MDN1: variants seen among roughly 807,000 people sequenced by gnomAD.
MDN1 encodes the protein midasin.
A neutral mutation model predicts 669.2 loss-of-function variants in MDN1; 266 were observed. The ratio of observed to expected loss-of-function variants is 0.40; its 90% CI spans 0.36 to 0.44. The LOEUF is 0.44. MDN1 is among the 20% of genes least tolerant of loss of function. MDN1 has a pLI of 1.00. For synonymous variants in MDN1, 2,385 were observed against 2,457.1 expected (o/e 0.97, Z 0.87); for missense variants, 5,940 against 6,754.0 (o/e 0.88, Z 4.22).
chr6:89,684,179 C>A (rs980387055), intron 71 of MDN1, among the ~76,000 whole-genome samples: 1 of 152,052 alleles, frequency 6.6e-6, no homozygotes, highest in African/African-American at 2.4e-5. Flanking sequence ...CCCGTCTCTA[C>A]TAAAAATAGA....
intron 35 of MDN1, among the ~76,000 whole-genome samples, chr6:89,729,908 G>A (rs1815486271): frequency 6.6e-6 from 1 of 151,990 alleles, no homozygotes; most frequent in African/African-American, 2.4e-5. Context: ...AGGAGAGATG[G>A]AGCTCTGAGG....
intron 64 of MDN1, 106 bp downstream of exon 64, chr6:89,690,567 T>A: frequency 7.3e-7 from 1 of 1,368,856 alleles, no homozygotes; most frequent in South Asian, 1.4e-5. Flanking sequence ...CTAAAATACA[T>A]ACATACAGAG....
chr6:89,733,383 T>C (rs945608292), intron 33 of MDN1, among the ~76,000 whole-genome samples: 4 of 152,162 alleles, frequency 2.6e-5, no homozygotes, highest in African/African-American at 7.2e-5. Flanking sequence ...ACTTAAGTAG[T>C]ATATATAGAT....
In MDN1 at chr6:89,685,845, G is replaced by T. The variant is rs775526581; in HGVS notation, c.11701C>A (p.Pro3901Thr). 6.2e-7 allele frequency: 1 copy of T among 1,613,568 alleles called. No homozygotes were observed. The highest frequency in any genetic ancestry group is 1.7e-5 in the Admixed American group (1 of 59,964). The part of the protein sequence containing the change: ...LVFHCHVLLM[P>T]QVEGKDSLCS... The stretch of plus-strand genomic sequence containing the variant: ...TCCTCACCCTTTCCTTCAACCTGTG[G>T]CATCAGCAAGACATGACAATGGAAA... The change falls in exon 70 of 102, where the codon CCA (proline) becomes ACA (threonine). Residue 3901 changes from proline to threonine, a missense_variant. Transcript: ENST00000369393.
intron 44 of MDN1, 113 bp downstream of exon 44, chr6:89,716,537 G>T (rs918085720): frequency 8.2e-7 from 1 of 1,224,032 alleles, no homozygotes. Context: ...GGACGCTTGC[G>T]TAATTAAGAA....
In MDN1 at chr6:89,762,435, G is replaced by A. The variant is rs765630411; in HGVS notation, c.2240C>T (p.Thr747Met). ...AQTFSKKQNF[T>M]FLGHIQTCYR... Reference sequence around the variant, plus strand: ...ACAGGTCTGAATGTGCCCCAAGAACGTAAAGTTTTGTTTCTTGGAAAATGT... The same window carrying A: ...ACAGGTCTGAATGTGCCCCAAGAACATAAAGTTTTGTTTCTTGGAAAATGT... Residue 747 changes from threonine (T) to methionine (M), a missense_variant, in exon 16 of 102, where the codon ACG becomes ATG. Physicochemically the swap from Thr to Met is moderately conservative, Grantham distance 81 (BLOSUM62 -1). Transcript: ENST00000369393. 1.9e-6 allele frequency: 3 copies of A among 1,613,924 alleles called. No individual in the cohort carries two copies. The highest frequency in any genetic ancestry group is 1.7e-5 in the Admixed American group (1 of 60,004).
rs1428926085 is a variant in MDN1 at position 89,728,047 on chromosome 6, G to A, written c.5350-92C>T. ...TAAATCTGAAATGATAAATACTTGGGGCTGGCACCACTACTCTTCCTTCCT... is the reference window on the plus strand; with the variant it reads ...TAAATCTGAAATGATAAATACTTGGAGCTGGCACCACTACTCTTCCTTCCT... On this transcript the variant is annotated intron_variant, in intron 36 of 101. Transcript: ENST00000369393. 2.8e-6 allele frequency: 4 copies of A among 1,417,162 alleles called. No individual in the cohort carries two copies. In the African/African-American group the frequency reaches 5.7e-5, roughly 20 times the overall value. The allele number at this position is 1,417,162 out of a possible 1,614,324, so 87.8% of individuals were successfully genotyped here. A position where few individuals can be genotyped will look rare whatever the true frequency, so the allele number is the denominator to read the frequency against.
intron 73 of MDN1, 59 bp downstream of exon 73, chr6:89,683,073 A>C (rs940005473): frequency 7.7e-6 from 12 of 1,565,252 alleles, no homozygotes; most frequent in South Asian, 1.1e-5. Context: ...TTGCACATAA[A>C]ACACAGATCC....
intron 40 of MDN1, among the ~76,000 whole-genome samples, chr6:89,722,486 T>C (rs1004216209): frequency 1.3e-5 from 2 of 152,208 alleles, no homozygotes; most frequent in East Asian, 1.9e-4. Flanking sequence ...AGCTACTCTA[T>C]ATTGTGAGAC....
intron 15 of MDN1, among the ~76,000 whole-genome samples, chr6:89,768,249 G>A (rs1817902593): frequency 6.6e-6 from 1 of 152,014 alleles, no homozygotes; most frequent in South Asian, 2.1e-4. Context: ...CCCACGTGTT[G>A]TGCAAGGGAC....
chr6:89,670,199 G>A (rs1810645652), intron 83 of MDN1, among the ~76,000 whole-genome samples: 1 of 64,498 alleles, frequency 1.6e-5, no homozygotes, highest in Non-Finnish European at 2.7e-5. Context: ...TTGAGATGCA[G>A]TTTTGCTCTT....
chr6:89,670,156 A>T lies in MDN1; in HGVS notation c.13956+763T>A, dbSNP rs1810574455. 3.4e-4 allele frequency among the ~76,000 whole-genome samples: 9 copies of T among 26,494 alleles called. 1 individual carries two copies. The East Asian group carries it at 0.014, about 42-fold the overall frequency. The allele number at this position is 26,494 out of a possible 152,430, so 17.4% of individuals were successfully genotyped here. A position where few individuals can be genotyped will look rare whatever the true frequency, so the allele number is the denominator to read the frequency against. On this transcript the variant is annotated intron_variant, in intron 83 of 101. Transcript: ENST00000369393. ...CAAAAAAACATATATATATATATAT[A>T]TATATATATATATATTTTTTTTTTT...
At chr6:89,788,068 C>T (rs1819058739) in intron 7 of MDN1, 111 bp from the exon 8 acceptor site, 2 of 933,718 alleles carry the variant, frequency 2.1e-6, no homozygotes, top group African/African-American at 3.3e-5. Flanking sequence ...AAGGAAACGT[C>T]AGCTCTCATA....
intron 83 of MDN1, among the ~76,000 whole-genome samples, chr6:89,670,168 A>ATTTTTTTTT (rs1431713155): frequency 2.8e-3 from 60 of 21,630 alleles, no homozygotes; most frequent in Non-Finnish European, 3.0e-3. Context: ...ATATATATAT[A>ATTTTTTTTT]TATTTTTTTT....
chr6:89,713,199 T>C lies in MDN1; in HGVS notation c.7167A>G (p.Glu2389=). Residue 2389 remains glutamate (E), a synonymous_variant, in exon 47 of 102, where the codon GAA becomes GAG. Transcript: ENST00000369393. The stretch of plus-strand genomic sequence containing the variant: ...AACAGACATATACTTCCCAGCATGC[T>C]TCAGAAAAGGCTCTGTCTAAACTCA... The part of the protein sequence containing the change: ...RGLSLDRAFS[E]ACWEVYVCSQ... 1 of 1,614,148 alleles carries C rather than the reference T, an allele frequency of 6.2e-7. No homozygotes were observed. The highest frequency in any genetic ancestry group is 8.5e-7 in the Non-Finnish European group (1 of 1,180,006).
chr6:89,747,687 C>T (rs1038181802), intron 26 of MDN1, among the ~76,000 whole-genome samples: 30 of 150,926 alleles, frequency 2.0e-4, no homozygotes, highest in African/African-American at 7.1e-4. Context: ...GTCAGGAAAT[C>T]GAGACCATCC....
intron 100 of MDN1, 151 bp downstream of exon 100, chr6:89,646,389 A>T: frequency 1.5e-6 from 1 of 676,758 alleles, no homozygotes; most frequent in Non-Finnish European, 2.5e-6. Context: ...ATGAATAAAT[A>T]AGTAAAAATC....
chr6:89,688,255 A>G, intron 66 of MDN1, 82 bp from the exon 67 acceptor site: 1 of 1,264,976 alleles, frequency 7.9e-7, no homozygotes, highest in South Asian at 1.3e-5. Flanking sequence ...TCCTGACCAG[A>G]AGATTCCCCC....
At chr6:89,691,369 C>T (rs149434027) in intron 63 of MDN1, among the ~76,000 whole-genome samples, 3 of 152,344 alleles carry the variant, frequency 2.0e-5, no homozygotes, top group Non-Finnish European at 2.9e-5. Context: ...ACTTAAAGAA[C>T]CATCCGGTAC....
Sources: gnomAD v4.1 joint callset for allele counts (sites outside exome capture counted in the v4.1 genomes callset) on GRCh38, gnomAD v4.1.1 for gene constraint, MANE v1.5 for transcripts, NCBI Gene and HGNC (gene_info 2026-07-23, HGNC 2026-07-21) for gene names.